The following ARHGAP24 variants were observed in gnomAD, a reference collection of about 807,000 sequenced individuals.
ARHGAP24 encodes rho GTPase-activating protein 24.
In ARHGAP24, 50 loss-of-function variants were observed where a neutral mutation model predicts 76.4. The ratio of observed to expected loss-of-function variants is 0.65; its 90% confidence interval spans 0.52 to 0.83. The LOEUF is 0.83. Among genes scored for constraint, ARHGAP24 ranks in the 40% least tolerant of loss-of-function variants. ARHGAP24 has a pLI of 0.00. For synonymous variants in ARHGAP24, 345 were observed against 323.3 expected (o/e 1.07, Z -0.72); for missense variants, 930 against 914.2 (o/e 1.02, Z -0.22).
rs776674585 is a variant in ARHGAP24 at position 85,705,614 on chromosome 4, C to T, written c.181-16271C>T. ...TCGTGTGCTTACCACATGCAGGCAT[C>T]GTGTTCAGCTATCAACGGTCATATG... is the stretch of plus-strand genomic sequence containing the variant. On this transcript the variant is annotated intron_variant, in intron 2 of 9. Transcript: ENST00000395184. Among the ~76,000 whole-genome samples the T allele has an allele frequency of 2.6e-5, 4 of 152,180 alleles. No homozygotes were observed. The East Asian group carries it at 5.8e-4, about 22-fold the overall frequency.
At chr4:85,863,990 T>C (rs1218194644) in intron 3 of ARHGAP24, among the ~76,000 whole-genome samples, 1 of 152,096 alleles carries the variant, frequency 6.6e-6, no homozygotes, top group Non-Finnish European at 1.5e-5. Flanking sequence ...CAATCAGGCA[T>C]GACATTTACA....
intron 2 of ARHGAP24, among the ~76,000 whole-genome samples, chr4:85,617,754 G>A (rs539290112): frequency 6.6e-6 from 1 of 152,198 alleles, no homozygotes; most frequent in African/African-American, 2.4e-5. Context: ...TTTAATTATG[G>A]TAGATATTTG....
chr4:85,695,526 A>G (rs781217236), intron 2 of ARHGAP24, among the ~76,000 whole-genome samples: 14 of 152,198 alleles, frequency 9.2e-5, no homozygotes, highest in South Asian at 2.1e-4. Context: ...GCAACCTTCT[A>G]TTTTGAGCTG....
intron 2 of ARHGAP24, among the ~76,000 whole-genome samples, chr4:85,653,477 T>C (rs989942691): frequency 6.0e-5 from 8 of 132,752 alleles, no homozygotes; most frequent in African/African-American, 2.3e-4. Context: ...ATTATTTAAT[T>C]AATTTATTTA....
intron 3 of ARHGAP24, among the ~76,000 whole-genome samples, chr4:85,745,645 A>G: frequency 6.6e-6 from 1 of 151,830 alleles, no homozygotes; most frequent in African/African-American, 2.4e-5. Flanking sequence ...CTGTGTACCT[A>G]CTTGCATACT....
In ARHGAP24 at chr4:85,526,553, G is replaced by A. The variant is rs13435619; in HGVS notation, c.-20-43969G>A. ...GGCCTATCTCAAAGCCACTATTGAA[G>A]ACTATGGGACTTCTGCCTCTATTAA... On this transcript the variant is annotated intron_variant, in intron 1 of 9. Transcript: ENST00000395184. Among the ~76,000 whole-genome samples, 609 of 152,116 alleles carry A rather than the reference G, an allele frequency of 4.0e-3. 3 individuals carry two copies. The highest frequency in any genetic ancestry group is 0.014 in the African/African-American group (570 of 41,492).
chr4:85,631,121 GCAT>G (rs1220404663), intron 2 of ARHGAP24, among the ~76,000 whole-genome samples: 1 of 152,068 alleles, frequency 6.6e-6, no homozygotes, highest in African/African-American at 2.4e-5. Context: ...TCTGGGTTCT[GCAT>G]CATACTTTGG....
chr4:85,582,881 T>C (rs1302288021), intron 2 of ARHGAP24, among the ~76,000 whole-genome samples: 1 of 152,178 alleles, frequency 6.6e-6, no homozygotes, highest in Non-Finnish European at 1.5e-5. Flanking sequence ...TTTGTTGTCT[T>C]TCCAAGTTTA....
chr4:85,490,521 A>G (rs183158079), intron 1 of ARHGAP24, among the ~76,000 whole-genome samples: 59 of 152,336 alleles, frequency 3.9e-4, no homozygotes, highest in African/African-American at 1.4e-3. Context: ...TTTAGAATTC[A>G]TTCACACATG....
chr4:85,911,785 T>C (rs990926182), intron 3 of ARHGAP24, among the ~76,000 whole-genome samples: 1 of 152,228 alleles, frequency 6.6e-6, no homozygotes, highest in Non-Finnish European at 1.5e-5. Flanking sequence ...CTGCAAATGA[T>C]TATTGGGAGT....
chr4:85,873,440 A>T (rs955136528), intron 3 of ARHGAP24, among the ~76,000 whole-genome samples: 6 of 152,148 alleles, frequency 3.9e-5, no homozygotes, highest in Admixed American at 6.6e-5. Flanking sequence ...CATTCAGCAA[A>T]TACTGGGAAT....
intron 3 of ARHGAP24, among the ~76,000 whole-genome samples, chr4:85,886,584 T>A (rs934047069): frequency 6.6e-6 from 1 of 152,166 alleles, no homozygotes; most frequent in Non-Finnish European, 1.5e-5. Context: ...GATAGTCATT[T>A]AGTGTTTATT....
chr4:85,482,333 A>T (rs1048975307), intron 1 of ARHGAP24, among the ~76,000 whole-genome samples: 3 of 152,168 alleles, frequency 2.0e-5, no homozygotes, highest in African/African-American at 7.2e-5. Context: ...TAATTTGTTG[A>T]TTGGAGACTT....
intron 1 of ARHGAP24, among the ~76,000 whole-genome samples, chr4:85,548,150 A>T (rs991192193): frequency 3.9e-5 from 6 of 152,134 alleles, no homozygotes; most frequent in Non-Finnish European, 7.4e-5. Flanking sequence ...GTGCCTTTTG[A>T]TACCTCCCCA....
intron 3 of ARHGAP24, among the ~76,000 whole-genome samples, chr4:85,788,773 A>T (rs767641949): frequency 5.3e-5 from 8 of 152,210 alleles, no homozygotes; most frequent in Non-Finnish European, 7.3e-5. Flanking sequence ...TGCCTTATAA[A>T]CTGAGCCCAT....
intron 3 of ARHGAP24, among the ~76,000 whole-genome samples, chr4:85,781,899 C>T (rs1310417888): frequency 6.6e-6 from 1 of 151,478 alleles, no homozygotes; most frequent in Non-Finnish European, 1.5e-5. Context: ...TAGCCAGGCA[C>T]GGTGGCGCAT....
At chr4:85,986,682 A>G (rs1196759418) in intron 8 of ARHGAP24, among the ~76,000 whole-genome samples, 1 of 152,220 alleles carries the variant, frequency 6.6e-6, no homozygotes, top group Non-Finnish European at 1.5e-5. Flanking sequence ...TACGGAGAGT[A>G]GATGAGAACT....
chr4:85,712,497 A>C (rs1395655664), intron 2 of ARHGAP24, among the ~76,000 whole-genome samples: 2 of 152,194 alleles, frequency 1.3e-5, no homozygotes, highest in Non-Finnish European at 2.9e-5. Context: ...GGATTAAAAC[A>C]AAAGACATTT....
intron 3 of ARHGAP24, among the ~76,000 whole-genome samples, chr4:85,757,843 A>G (rs942996158): frequency 6.6e-6 from 1 of 152,186 alleles, no homozygotes; most frequent in African/African-American, 2.4e-5. Context: ...ACAGTGTAAA[A>G]GTGCTCCTAT....
Sources: allele counts gnomAD v4.1 joint callset (sites outside exome capture counted in the v4.1 genomes callset), GRCh38; gene constraint gnomAD v4.1.1; transcripts MANE v1.5; gene names NCBI Gene and HGNC (gene_info 2026-07-23, HGNC 2026-07-21).